Variants in LIMK1 observed in about 807,000 individuals in gnomAD.
The protein encoded by LIMK1 is LIM motif-containing protein kinase.
Under a neutral mutation model 77.6 loss-of-function variants are expected in LIMK1, and 21 were observed. That is an observed-to-expected ratio of 0.27 (90% CI 0.19 to 0.39). LIMK1 has a LOEUF of 0.39. LIMK1 is among the 10% of genes least tolerant of loss of function. The pLI, the probability that LIMK1 is intolerant of heterozygous loss-of-function variation, is 1.00. For missense variants in LIMK1, 696 were observed against 901.6 expected, an observed-to-expected ratio of 0.77 and a Z score of 2.92; for synonymous variants, 358 against 370.0, an observed-to-expected ratio of 0.97 and a Z score of 0.37.
chr7:74,084,157 A>C (rs1400966626), intron 1 of LIMK1, 112 bp downstream of exon 1: 5 of 418,750 alleles, frequency 1.2e-5, no homozygotes, highest in Non-Finnish European at 2.1e-5. Flanking sequence ...CTCCTCCGGG[A>C]TGAGCTCGTC....
At chr7:74,086,937 C>T (rs1554694143) in intron 2 of LIMK1, among the ~76,000 whole-genome samples, 2 of 152,162 alleles carry the variant, frequency 1.3e-5, no homozygotes, top group Non-Finnish European at 2.9e-5. Flanking sequence ...CACACACCCA[C>T]AGGTAGGAAG....
Position 74,107,968 on chromosome 7 carries a change from G to T in LIMK1, c.1152+11G>T, listed in dbSNP as rs782277772. 1.4e-5 allele frequency: 21 copies of T among 1,551,226 alleles called. No homozygotes were observed. Among genetic ancestry groups the T allele is most frequent in the Non-Finnish European group, 1.7e-5 (19 of 1,144,846 alleles). On this transcript the variant is annotated intron_variant, in intron 9 of 15. Coordinates refer to ENST00000336180, the MANE Select transcript of LIMK1 (RefSeq NM_002314.4). Reference sequence around the variant, plus strand: ...ACGTTCCTCAAGGAGGTCAGTGAGCGGAATGCCCTCTTCCCTCCAGAGGGA... The same window carrying T: ...ACGTTCCTCAAGGAGGTCAGTGAGCTGAATGCCCTCTTCCCTCCAGAGGGA...
chr7:74,121,269 G>C lies in LIMK1; in HGVS notation c.1912G>C (p.Gly638Arg). Residue 638 changes from glycine (G) to arginine (R), a missense_variant, in exon 16 of 16, where the codon GGA (glycine) becomes CGA (arginine). Coordinates refer to ENST00000336180, the MANE Select transcript of LIMK1 (RefSeq NM_002314.4). ...FWETYRRGES[G>R]LPAHPEVPD Reference sequence around the variant, plus strand: ...GGAGACCTACCGGCGCGGCGAGAGCGGACTGCCTGCCCACCCTGAGGTCCC... The same window carrying C: ...GGAGACCTACCGGCGCGGCGAGAGCCGACTGCCTGCCCACCCTGAGGTCCC... The C allele has an allele frequency of 1.9e-6, 3 of 1,609,570 alleles. No individual in the cohort carries two copies. Among genetic ancestry groups the C allele is most frequent in the African/African-American group, 1.3e-5 (1 of 74,960 alleles).
rs782314596 is a variant in LIMK1, at chr7:74,107,059, C to G, written c.931C>G (p.Pro311Ala). Reference protein sequence around the residue: ...RSPGAGSLGSPASQRKDLGRS... With the variant: ...RSPGAGSLGSAASQRKDLGRS... ...TCCGGGCGCTGGCTCACTGGGCTCC[C>G]CGGCCTCCCAGCGCAAGGACCTGGG... The change falls in exon 8 of 16, where the codon CCG (proline) becomes GCG (alanine). Residue 311 changes from proline (P) to alanine (A), a missense_variant. Pro to Ala is a conservative substitution (Grantham distance 27, BLOSUM62 -1). This residue lies in a region of LIMK1 where 438 missense variants were observed against 602.3 expected (regional missense o/e 0.73). Coordinates refer to ENST00000336180, the MANE Select transcript of LIMK1 (RefSeq NM_002314.4). The G allele has an allele frequency of 1.9e-6, 3 of 1,605,476 alleles. No individual in the cohort carries two copies. The highest frequency in any genetic ancestry group is 2.5e-6 in the Non-Finnish European group (3 of 1,177,216).
At position 74,106,141 on chromosome 7, in the gene LIMK1, A is replaced by T. The variant is rs1320534765; in HGVS notation, c.779A>T (p.Asp260Val). ...LQLTLEHDPH[D>V]TLGHGLGPET... ...CTGACCCTCGAGCATGACCCTCACG[A>T]TACACTGGGCCACGGGCTGGGGCCT... The change falls in exon 7 of 16, where the codon GAT (aspartate) becomes GTT (valine). Residue 260 changes from aspartate to valine, a missense_variant. Around this residue, in one of 3 missense-constraint regions of LIMK1, gnomAD observed 438 missense variants for 602.3 expected, o/e 0.73. Coordinates refer to ENST00000336180, the MANE Select transcript of LIMK1 (RefSeq NM_002314.4). The T allele has an allele frequency of 6.2e-7, 1 of 1,613,880 alleles. No individual in the cohort carries two copies. Among genetic ancestry groups the T allele is most frequent in the Non-Finnish European group, 8.5e-7 (1 of 1,179,994 alleles).
rs782257025 is a variant in LIMK1, at chr7:74,107,040, C to T, written c.912C>T (p.Gly304=). 5 of 1,600,338 alleles carry T rather than the reference C, an allele frequency of 3.1e-6. No homozygotes were observed. Among genetic ancestry groups the T allele is most frequent in the East Asian group, 4.5e-5 (2 of 44,504 alleles). Residue 304 remains glycine, a synonymous_variant, in exon 8 of 16, where the codon GGC becomes GGT. Coordinates refer to ENST00000336180, the MANE Select transcript of LIMK1 (RefSeq NM_002314.4). ...GCTGCAGCATCGACAGGTCTCCGGGCGCTGGCTCACTGGGCTCCCCGGCCT... is the reference window on the plus strand; with the variant it reads ...GCTGCAGCATCGACAGGTCTCCGGGTGCTGGCTCACTGGGCTCCCCGGCCT... ...LRSCSIDRSP[G]AGSLGSPASQ...
chr7:74,093,085 C>G (rs1799268305), intron 2 of LIMK1: 1 of 1,399,396 alleles, frequency 7.1e-7, no homozygotes, highest in Admixed American at 2.9e-5. Context: ...GACCAAGTCC[C>G]CTGGCACCCA....
At chr7:74,102,630 C>T (rs191725356) in intron 5 of LIMK1, among the ~76,000 whole-genome samples, 135 of 150,746 alleles carry the variant, frequency 9.0e-4, no homozygotes, top group Non-Finnish European at 1.1e-3. Context: ...ACTACAGGCA[C>T]GGGCCACCAC....
At chr7:74,089,816 G>A (rs1799203368) in intron 2 of LIMK1, among the ~76,000 whole-genome samples, 1 of 152,236 alleles carries the variant, frequency 6.6e-6, no homozygotes, top group East Asian at 1.9e-4. Flanking sequence ...GAGATGGTGA[G>A]TGGGATTTGT....
In LIMK1 at chr7:74,096,755, G is replaced by A. The variant is rs993902658; in HGVS notation, c.286G>A (p.Val96Ile). ...CTCTGAGCAAATCACCAAGGGACTG[G>A]TTATGGTGAGCGCCCCCTGCCTTGC... ...GCSEQITKGL[V>I]MVAGELKYHP... Residue 96 changes from valine (V) to isoleucine (I), a missense_variant, in exon 3 of 16, where the codon GTT becomes ATT. Val to Ile is a conservative substitution (Grantham distance 29). Coordinates refer to ENST00000336180, the MANE Select transcript of LIMK1 (RefSeq NM_002314.4). 5.6e-6 allele frequency: 9 copies of A among 1,599,192 alleles called. No homozygotes were observed. The highest frequency in any genetic ancestry group is 4.5e-5 in the South Asian group (4 of 89,698).
At chr7:74,120,047 A>C (rs1554700294) in intron 13 of LIMK1, among the ~76,000 whole-genome samples, 1 of 152,004 alleles carries the variant, frequency 6.6e-6, no homozygotes, top group Non-Finnish European at 1.5e-5. Context: ...GTTGTTTTGC[A>C]TTCCTGGGCT....
chr7:74,093,350 T>C (rs1563912983), intron 2 of LIMK1: 1 of 1,532,934 alleles, frequency 6.5e-7, no homozygotes, highest in Admixed American at 2.0e-5. Context: ...GCAGGGCCCC[T>C]GGTGTAAGGC....
chr7:74,101,833 A>AT (rs1799465016), intron 5 of LIMK1, among the ~76,000 whole-genome samples: 3 of 147,756 alleles, frequency 2.0e-5, no homozygotes, highest in African/African-American at 5.2e-5. Flanking sequence ...TAGACACACA[A>AT]TTTTTTTTTG....
intron 2 of LIMK1, among the ~76,000 whole-genome samples, chr7:74,086,245 A>G (rs1554694059): frequency 6.6e-6 from 1 of 152,000 alleles, no homozygotes; most frequent in Non-Finnish European, 1.5e-5. Flanking sequence ...GGGTTTTGCC[A>G]TGTTAGCCAG....
At chr7:74,110,843 T>C (rs1470204900) in intron 10 of LIMK1, 2 of 152,220 alleles carry the variant, frequency 1.3e-5, no homozygotes, top group African/African-American at 4.8e-5. Flanking sequence ...GATGAGATTT[T>C]ATAGAAAATA....
At chr7:74,116,902 G>C (rs1452334190) in intron 13 of LIMK1, among the ~76,000 whole-genome samples, 1 of 150,754 alleles carries the variant, frequency 6.6e-6, no homozygotes, top group East Asian at 1.9e-4. Flanking sequence ...TTTTTTTTGA[G>C]ACAGAGTCTC....
At chr7:74,085,696 C>A in intron 1 of LIMK1, 52 bp from the exon 2 acceptor site, 1 of 1,441,916 alleles carries the variant, frequency 6.9e-7, no homozygotes, top group Non-Finnish European at 9.5e-7. Context: ...GCTGGGCCTG[C>A]ACCAGATCAC....
chr7:74,106,186 C>G lies in LIMK1; in HGVS notation c.824C>G (p.Ser275Cys), dbSNP rs782088567. 1.5e-5 allele frequency: 24 copies of G among 1,613,978 alleles called. No individual in the cohort carries two copies. Among genetic ancestry groups the G allele is most frequent in the Non-Finnish European group, 2.0e-5 (24 of 1,180,034 alleles). The change falls in exon 7 of 16, where the codon TCT (serine) becomes TGT (cysteine). Residue 275 changes from serine to cysteine, a missense_variant. Around this residue, in one of 3 missense-constraint regions of LIMK1, gnomAD observed 438 missense variants for 602.3 expected, o/e 0.73. Transcript: ENST00000336180. Reference sequence around the variant, plus strand: ...GGGCCTGAGACCAGCCCCCTGAGCTCTCCGGCTTATACTCCCAGCGGGGAG... The same window carrying G: ...GGGCCTGAGACCAGCCCCCTGAGCTGTCCGGCTTATACTCCCAGCGGGGAG... ...GLGPETSPLS[S>C]PAYTPSGEAG...
chr7:74,104,248 TCTCAGTCTC>T (rs1174188345), intron 5 of LIMK1, among the ~76,000 whole-genome samples: 7 of 152,024 alleles, frequency 4.6e-5, no homozygotes, highest in African/African-American at 1.7e-4. Context: ...TTCTTAAAGT[TCTCAGTCTC>T]CTCTCTGCCT....
Sources: gnomAD v4.1 joint callset for allele counts (sites outside exome capture counted in the v4.1 genomes callset) on GRCh38, gnomAD v4.1.1 for gene constraint, gnomAD v4.1.1 regional missense constraint, MANE v1.5 for transcripts, NCBI Gene and HGNC (gene_info 2026-07-23, HGNC 2026-07-21) for gene names.